The following DCLK3 variants were observed in gnomAD, a reference collection of about 807,000 sequenced individuals.
The protein encoded by DCLK3 is serine/threonine-protein kinase DCLK3.
In DCLK3, 30 loss-of-function variants were observed where a neutral mutation model predicts 46.4. The observed-to-expected ratio is 0.65, with a 90% CI of 0.48 to 0.88. The LOEUF (loss-of-function observed/expected upper bound fraction) is 0.88, where lower values mean the gene tolerates loss of function less well. DCLK3 is among the 40% of genes least tolerant of loss of function. DCLK3 has a pLI of 0.00. For missense variants in DCLK3, 846 were observed against 907.1 expected (o/e 0.93, Z 0.87); for synonymous variants, 401 against 339.2 (o/e 1.18, Z -2.00).
intron 1 of DCLK3, among the ~76,000 whole-genome samples, chr3:36,759,593 A>G (rs965390150): frequency 2.6e-5 from 4 of 152,212 alleles, no homozygotes; most frequent in African/African-American, 9.7e-5. Context: ...CACTTCATGA[A>G]CTGAGCTCTG....
Position 36,737,884 on chromosome 3 carries a change from T to G in DCLK3, c.1283A>C (p.Glu428Ala), listed in dbSNP as rs1163864731. Residue 428 changes from glutamate to alanine, a missense_variant, in exon 2 of 5, where the codon GAG becomes GCG. Coordinates refer to ENST00000636136, the MANE Select transcript of DCLK3 (RefSeq NM_001394672.2). This position sits in a 1 kb window ranked among gnomAD's most constrained non-coding sequence, Gnocchi z 4.4. ...VLPVTEEGLR[E>A]VKKDTRPMSR... ...CATGGGCCTGGTGTCCTTCTTCACC[T>G]CCCTCAGCCCCTCCTCTGTGACAGG... 6.2e-7 allele frequency: 1 copy of G among 1,613,952 alleles called. No individual in the cohort carries two copies. Among genetic ancestry groups the G allele is most frequent in the East Asian group, 2.2e-5 (1 of 44,870 alleles).
Position 36,753,557 on chromosome 3 carries a change from G to A in DCLK3, c.82+10625C>T, listed in dbSNP as rs769197074. Among the ~76,000 whole-genome samples the A allele has an allele frequency of 1.6e-4, 24 of 152,308 alleles. No homozygotes were observed. The East Asian group carries it at 2.7e-3, about 17-fold the overall frequency. ...TAAAGAGAACCAAGAAGCCTCTGCCGTTTTTGCCTTGTAATGCAGACAAAG... is the reference window on the plus strand; with the variant it reads ...TAAAGAGAACCAAGAAGCCTCTGCCATTTTTGCCTTGTAATGCAGACAAAG... On this transcript the variant is annotated intron_variant, in intron 1 of 4. Transcript: ENST00000636136.
chr3:36,747,686 G>C (rs1270165630), intron 1 of DCLK3, among the ~76,000 whole-genome samples: 1 of 152,072 alleles, frequency 6.6e-6, no homozygotes, highest in African/African-American at 2.4e-5. Context: ...AATAGGGGGA[G>C]GATAGAGATC....
rs375785822 is a variant in DCLK3, at chr3:36,718,816, C to A, written c.2093-639G>T. Among the ~76,000 whole-genome samples the A allele has an allele frequency of 9.2e-5, 14 of 152,246 alleles. No homozygotes were observed. The South Asian group carries it at 2.9e-3, about 32-fold the overall frequency. ...CTAGCTGTATCCCCATGTGTGCACA[C>A]ACTGGTATACAACACACACACACAC... On this transcript the variant is annotated intron_variant, in intron 3 of 4. Transcript: ENST00000636136.
In DCLK3 at chr3:36,737,562, G is replaced by A; in HGVS notation, c.1605C>T (p.Asn535=). ...YETGRVIGDG[N]FAVVKECRHR... ...GTCTGCACTCCTTCACGACAGCAAA[G>A]TTCCCATCCCCAATGACCCGGCCAG... is the stretch of plus-strand genomic sequence containing the variant. The change falls in exon 2 of 5, where the codon AAC becomes AAT. Residue 535 remains asparagine, a synonymous_variant. Coordinates refer to ENST00000636136, the MANE Select transcript of DCLK3 (RefSeq NM_001394672.2). This position sits in a 1 kb window ranked among gnomAD's most constrained non-coding sequence, Gnocchi z 4.4. 1 of 1,614,162 alleles carries A rather than the reference G, an allele frequency of 6.2e-7. No individual in the cohort carries two copies. Among genetic ancestry groups the A allele is most frequent in the Non-Finnish European group, 8.5e-7 (1 of 1,180,028 alleles).
intron 1 of DCLK3, among the ~76,000 whole-genome samples, chr3:36,761,309 T>C (rs1294197259): frequency 6.6e-6 from 1 of 152,186 alleles, no homozygotes; most frequent in Non-Finnish European, 1.5e-5. Context: ...TGAGGCTGGC[T>C]GAACAATTGC....
intron 1 of DCLK3, among the ~76,000 whole-genome samples, chr3:36,749,538 C>T (rs1389442409): frequency 6.6e-6 from 1 of 152,226 alleles, no homozygotes; most frequent in Admixed American, 6.5e-5. Flanking sequence ...ATTTCTACAT[C>T]TTCATGCTTT....
chr3:36,744,334 G>T (rs1030297347), intron 1 of DCLK3, among the ~76,000 whole-genome samples: 6 of 152,206 alleles, frequency 3.9e-5, no homozygotes, highest in African/African-American at 1.4e-4. Context: ...GATAAGTGAG[G>T]TGAAAAGAAA....
chr3:36,728,557 T>G (rs1701153534), intron 2 of DCLK3, among the ~76,000 whole-genome samples: 1 of 152,020 alleles, frequency 6.6e-6, no homozygotes, highest in Non-Finnish European at 1.5e-5. Context: ...CTCCTCCCCC[T>G]CCTCCTGGGA....
chr3:36,739,448 A>G (rs561973072), intron 1 of DCLK3, among the ~76,000 whole-genome samples: 1 of 152,320 alleles, frequency 6.6e-6, no homozygotes, highest in Admixed American at 6.5e-5. Context: ...AGTGGGAGAT[A>G]ATTGAATCAT....
intron 2 of DCLK3, chr3:36,729,628 T>A (rs567907689): frequency 6.6e-6 from 1 of 152,196 alleles, no homozygotes; most frequent in Non-Finnish European, 1.5e-5. Context: ...AAATGTGATC[T>A]TGCAATTCTC....
Position 36,737,122 on chromosome 3 carries a change from G to C in DCLK3, c.1959+86C>G. 6.8e-7 allele frequency: 1 copy of C among 1,476,908 alleles called. No individual in the cohort carries two copies. Among genetic ancestry groups the C allele is most frequent in the South Asian group, 1.4e-5 (1 of 70,054 alleles). 91.5% of individuals were successfully genotyped at this position (1,476,908 alleles called of 1,614,324 possible). A position where few individuals can be genotyped will look rare whatever the true frequency, so the allele number is the denominator to read the frequency against. ...TAAAAGTAAAATTCTAGTGTGTAAA[G>C]GTGACAGAGTATAAAACAATTAATA... On this transcript the variant is annotated intron_variant, in intron 2 of 4. Coordinates refer to ENST00000636136, the MANE Select transcript of DCLK3 (RefSeq NM_001394672.2). The surrounding 1 kb of genome is among the most constrained non-coding windows in gnomAD (Gnocchi z 4.4).
At chr3:36,751,086 A>AAAAAAAAAAAAAT (rs1559394270) in intron 1 of DCLK3, among the ~76,000 whole-genome samples, 26 of 149,944 alleles carry the variant, frequency 1.7e-4, no homozygotes, top group Non-Finnish European at 2.7e-4. Context: ...AAAAAAAAAA[A>AAAAAAAAAAAAAT]CTCCCCGAAG....
At position 36,764,215 on chromosome 3, in the gene DCLK3, G is replaced by A. The variant is rs902187662; in HGVS notation, c.49C>T (p.Pro17Ser). The change falls in exon 1 of 5, where the codon CCA becomes TCA. Residue 17 changes from proline (P) to serine (S), a missense_variant. Coordinates refer to ENST00000636136, the MANE Select transcript of DCLK3 (RefSeq NM_001394672.2). This position sits in a 1 kb window ranked among gnomAD's most constrained non-coding sequence, Gnocchi z 4.9. ...APQPPPPPAR[P>S]APACPARPAP... ...GGCCGCGCCGGGCAGGCTGGGGCTG[G>A]CCGGGCCGGGGGCGGCGGCGGCTGC... The A allele has an allele frequency of 1.5e-5, 5 of 326,744 alleles. No homozygotes were observed. The highest frequency in any genetic ancestry group is 8.7e-5 in the African/African-American group (4 of 45,920). The allele number at this position is 326,744 out of a possible 1,614,324, so 20.2% of individuals were successfully genotyped here.
At chr3:36,754,883 A>G (rs1559394915) in intron 1 of DCLK3, among the ~76,000 whole-genome samples, 1 of 152,146 alleles carries the variant, frequency 6.6e-6, no homozygotes, top group Non-Finnish European at 1.5e-5. Context: ...TAGTTTTTAT[A>G]TGTTTTTACT....
intron 1 of DCLK3, among the ~76,000 whole-genome samples, chr3:36,755,690 G>A (rs1198022043): frequency 1.3e-5 from 2 of 152,154 alleles, no homozygotes; most frequent in South Asian, 2.1e-4. Context: ...GACCAGTGTA[G>A]GATGGAGAAG....
intron 4 of DCLK3, among the ~76,000 whole-genome samples, chr3:36,715,989 A>G (rs946046128): frequency 1.3e-5 from 2 of 152,212 alleles, no homozygotes; most frequent in African/African-American, 4.8e-5. Context: ...AAACTAACAC[A>G]TTGTTAAATA....
chr3:36,759,544 G>T (rs1021539449), intron 1 of DCLK3, among the ~76,000 whole-genome samples: 1 of 152,198 alleles, frequency 6.6e-6, no homozygotes, highest in South Asian at 2.1e-4. Context: ...AAGTTGATTT[G>T]TTACTGCAGC....
intron 1 of DCLK3, among the ~76,000 whole-genome samples, chr3:36,757,419 C>A (rs1249273052): frequency 6.6e-6 from 1 of 152,158 alleles, no homozygotes; most frequent in Non-Finnish European, 1.5e-5. Context: ...TATGGCATGA[C>A]AGCTTCTAGC....
Sources: allele counts gnomAD v4.1 joint callset (sites outside exome capture counted in the v4.1 genomes callset), GRCh38; gene constraint gnomAD v4.1.1; non-coding constraint Gnocchi (gnomAD v3.1); transcripts MANE v1.5; gene names NCBI Gene and HGNC (gene_info 2026-07-23, HGNC 2026-07-21).